The following PARD3B variants were observed in gnomAD, a reference collection of about 807,000 sequenced individuals.
PARD3B encodes the protein partitioning defective 3 homolog B.
A neutral mutation model predicts 130.2 loss-of-function variants in PARD3B; 103 were observed. The ratio of observed to expected loss-of-function variants is 0.79; its 90% confidence interval spans 0.67 to 0.93. The LOEUF (loss-of-function observed/expected upper bound fraction) is 0.93, where lower values mean the gene tolerates loss of function less well. Ranked by LOEUF, PARD3B falls within the 40% of genes least tolerant of loss-of-function variation. The pLI is 0.00. For synonymous variants in PARD3B, 583 were observed against 553.2 expected, an observed-to-expected ratio of 1.05 and a Z score of -0.76; for missense variants, 1,609 against 1,499.2, an observed-to-expected ratio of 1.07 and a Z score of -1.21.
chr2:204,997,958 A>T (rs1016825976), intron 3 of PARD3B, among the ~76,000 whole-genome samples: 17 of 109,600 alleles, frequency 1.6e-4, no homozygotes, highest in South Asian at 4.0e-4. Flanking sequence ...TAGTGAGTGT[A>T]TGTGTATATA....
At chr2:204,815,346 A>G (rs987009267) in intron 2 of PARD3B, among the ~76,000 whole-genome samples, 2 of 151,946 alleles carry the variant, frequency 1.3e-5, no homozygotes, top group African/African-American at 4.8e-5. Flanking sequence ...TTATCCTTGT[A>G]TTATGTATAG....
Position 204,546,111 on chromosome 2 carries a change from C to G in PARD3B, c.112C>G (p.Arg38Gly), listed in dbSNP as rs1175078116. Residue 38 changes from arginine (R) to glycine (G), a missense_variant, in exon 1 of 23, where the codon CGG becomes GGG. Arg to Gly is a moderately radical substitution (Grantham distance 125). Transcript: ENST00000406610. ...GGCGCTGCAGCGGTACCTGAAGACCCGGGAGAAGGTGAGCGCGGCGCGGAG... is the reference window on the plus strand; with the variant it reads ...GGCGCTGCAGCGGTACCTGAAGACCGGGGAGAAGGTGAGCGCGGCGCGGAG... ...QQALQRYLKT[R>G]EKGPGYWVKI... 1.9e-6 allele frequency: 3 copies of G among 1,555,326 alleles called. No individual in the cohort carries two copies. Among genetic ancestry groups the G allele is most frequent in the Non-Finnish European group, 2.6e-6 (3 of 1,149,636 alleles).
In PARD3B at chr2:204,669,616, A is replaced by C. The variant is rs969159652; in HGVS notation, c.121-16565A>C. Among the ~76,000 whole-genome samples, 1 of 152,168 alleles carries C rather than the reference A, an allele frequency of 6.6e-6. No homozygotes were observed. The highest frequency in any genetic ancestry group is 1.5e-5 in the Non-Finnish European group (1 of 68,034). On this transcript the variant is annotated intron_variant, in intron 1 of 22. Transcript: ENST00000406610. This position sits in a 1 kb window ranked among gnomAD's most constrained non-coding sequence, Gnocchi z 4.3. ...CCTATTTGGTTTATCAGGGAACACTATTTCCTTGGTTGCAATAAATGTCCA... is the reference window on the plus strand; with the variant it reads ...CCTATTTGGTTTATCAGGGAACACTCTTTCCTTGGTTGCAATAAATGTCCA...
chr2:204,962,472 A>C (rs2125848585), intron 2 of PARD3B, among the ~76,000 whole-genome samples: 1 of 152,216 alleles, frequency 6.6e-6, no homozygotes, highest in Middle Eastern at 3.4e-3. Context: ...GGGAAAGATA[A>C]CTTTGAATGG....
Position 205,244,853 on chromosome 2 carries a change from C to T in PARD3B, c.2141-925C>T, listed in dbSNP as rs565649407. ...TCTTCACATTCAAATGGATGCCCTT[C>T]AGTTATGAAGTTTTCTACTCTGGCT... is the stretch of plus-strand genomic sequence containing the variant. On this transcript the variant is annotated intron_variant, in intron 15 of 22. Transcript: ENST00000406610. This position sits in a 1 kb window ranked among gnomAD's most constrained non-coding sequence, Gnocchi z 4.7. 2.0e-5 allele frequency among the ~76,000 whole-genome samples: 3 copies of T among 152,260 alleles called. No individual in the cohort carries two copies. The East Asian group carries it at 5.8e-4, about 29-fold the overall frequency.
intron 3 of PARD3B, among the ~76,000 whole-genome samples, chr2:205,007,933 A>G (rs1195587598): frequency 1.3e-5 from 2 of 152,040 alleles, no homozygotes; most frequent in Non-Finnish European, 2.9e-5. Context: ...ACTCCTGGGT[A>G]TTTTATATTT....
rs1700313168 is a variant in PARD3B, at chr2:205,065,453, A to G, written c.504+17763A>G. 3.3e-5 allele frequency among the ~76,000 whole-genome samples: 5 copies of G among 152,096 alleles called. 1 individual carries two copies. In the South Asian group the frequency reaches 1.0e-3, roughly 32 times the overall value. ...TATCCTGACCCAATATATAATTTAA[A>G]CCCTAAATACGTATTTTTTATTTCA... On this transcript the variant is annotated intron_variant, in intron 4 of 22. Coordinates refer to ENST00000406610, the MANE Select transcript of PARD3B (RefSeq NM_001302769.2).
rs2047893586 is a variant in PARD3B, at chr2:205,446,005, G to C, written c.3044+5333G>C. On this transcript the variant is annotated intron_variant, in intron 20 of 22. Coordinates refer to ENST00000406610, the MANE Select transcript of PARD3B (RefSeq NM_001302769.2). The surrounding 1 kb of genome is among the most constrained non-coding windows in gnomAD (Gnocchi z 4.4). Reference sequence around the variant, plus strand: ...TATTAGGATCCAATGGCAATACAAAGACCTAAACATGCAGTGAGAACACAG... The same window carrying C: ...TATTAGGATCCAATGGCAATACAAACACCTAAACATGCAGTGAGAACACAG... Among the ~76,000 whole-genome samples the C allele has an allele frequency of 6.6e-6, 1 of 152,156 alleles. No individual in the cohort carries two copies. Among genetic ancestry groups the C allele is most frequent in the Non-Finnish European group, 1.5e-5 (1 of 68,034 alleles).
chr2:205,508,221 T>C (rs574669556), intron 21 of PARD3B, among the ~76,000 whole-genome samples: 311 of 152,316 alleles, frequency 2.0e-3, no homozygotes, highest in African/African-American at 7.1e-3. Context: ...GACAAGCACA[T>C]AGTCTGTTCT....
intron 2 of PARD3B, among the ~76,000 whole-genome samples, chr2:204,947,306 T>A (rs1689405005): frequency 6.6e-6 from 1 of 152,118 alleles, no homozygotes; most frequent in South Asian, 2.1e-4. Flanking sequence ...AATTTCAGAG[T>A]CTAGTCTCAT....
chr2:204,859,378 A>G (rs533092955), intron 2 of PARD3B, among the ~76,000 whole-genome samples: 1 of 152,310 alleles, frequency 6.6e-6, no homozygotes, highest in South Asian at 2.1e-4. Flanking sequence ...ATACCCCAAC[A>G]TCAAGATCTA....
intron 1 of PARD3B, among the ~76,000 whole-genome samples, chr2:204,570,533 C>T (rs972602621): frequency 4.6e-5 from 7 of 152,114 alleles, no homozygotes; most frequent in Admixed American, 3.9e-4. Flanking sequence ...GGGGACCTCT[C>T]AAAAATACGG....
At chr2:204,851,753 T>C (rs1378901251) in intron 2 of PARD3B, among the ~76,000 whole-genome samples, 1 of 152,096 alleles carries the variant, frequency 6.6e-6, no homozygotes. Flanking sequence ...ATCCTTTTTT[T>C]TTTTTCTCGG....
chr2:204,775,572 A>G (rs2041583656), intron 2 of PARD3B, among the ~76,000 whole-genome samples: 1 of 152,152 alleles, frequency 6.6e-6, no homozygotes, highest in African/African-American at 2.4e-5. Flanking sequence ...CAGGATCTCT[A>G]CACAAGGAAA....
intron 5 of PARD3B, among the ~76,000 whole-genome samples, chr2:205,109,276 G>T (rs182187286): frequency 2.4e-4 from 37 of 152,230 alleles, no homozygotes; most frequent in Admixed American, 1.6e-3. Flanking sequence ...TCTGTAGTCC[G>T]CCTCTCATAC....
intron 10 of PARD3B, among the ~76,000 whole-genome samples, chr2:205,134,440 T>C (rs960549007): frequency 1.3e-5 from 2 of 151,864 alleles, no homozygotes; most frequent in African/African-American, 2.4e-5. Flanking sequence ...AGGAGGATCA[T>C]CTGAGCCTAG....
chr2:205,224,392 AGAAAGAAAG>A (rs2038423410), intron 15 of PARD3B, among the ~76,000 whole-genome samples: 1 of 147,738 alleles, frequency 6.8e-6, no homozygotes, highest in African/African-American at 2.5e-5. Flanking sequence ...AAAAAAAGAA[AGAAAGAAAG>A]AAAAAGAAAA....
chr2:204,984,913 C>T (rs1189629977), intron 3 of PARD3B, among the ~76,000 whole-genome samples: 1 of 152,020 alleles, frequency 6.6e-6, no homozygotes, highest in Admixed American at 6.6e-5. Flanking sequence ...CTGCCCACCC[C>T]CCCGCACCCC....
intron 3 of PARD3B, among the ~76,000 whole-genome samples, chr2:205,007,072 A>G (rs909783378): frequency 5.3e-5 from 8 of 152,096 alleles, no homozygotes; most frequent in Non-Finnish European, 1.2e-4. Flanking sequence ...TGGATCATGG[A>G]GGCAGTTTCC....
Sources: allele counts gnomAD v4.1 joint callset (sites outside exome capture counted in the v4.1 genomes callset), GRCh38; gene constraint gnomAD v4.1.1; non-coding constraint Gnocchi (gnomAD v3.1); transcripts MANE v1.5; gene names NCBI Gene and HGNC (gene_info 2026-07-23, HGNC 2026-07-21).